Variants in MARK3 observed in about 807,000 individuals in gnomAD.
The protein encoded by MARK3 is MAP/microtubule affinity-regulating kinase 3.
Under a neutral mutation model 90.1 loss-of-function variants are expected in MARK3, and 46 were observed. The ratio of observed to expected loss-of-function variants is 0.51; its 90% CI spans 0.40 to 0.65. The LOEUF (loss-of-function observed/expected upper bound fraction) is 0.65, where lower values mean the gene tolerates loss of function less well. MARK3 is among the 30% of genes least tolerant of loss of function. The probability of loss-of-function intolerance (pLI) is 0.00; values close to 1 mark genes in which losing one functional copy is unlikely to be tolerated. For synonymous variants in MARK3, 321 were observed against 332.6 expected (o/e 0.97, Z 0.38); for missense variants, 818 against 947.2 (o/e 0.86, Z 1.79).
At chr14:103,467,774 C>T (rs1296019772) in intron 11 of MARK3, 2 of 249,084 alleles carry the variant, frequency 8.0e-6, no homozygotes, top group Admixed American at 5.4e-5. Context: ...CGTAAAGCAT[C>T]AGATGAAGTA....
chr14:103,385,615 T>G lies in MARK3; in HGVS notation c.-415T>G. On this transcript the variant is annotated 5_prime_UTR_variant, in exon 1 of 18. Coordinates refer to ENST00000429436, the MANE Select transcript of MARK3 (RefSeq NM_001128918.3). ...TTCCTTCACATCCTCCTCCGCCTCC[T>G]CGTTTTCAGGCGCCGCCGGCGGCGC... 1 of 162,830 alleles carries G rather than the reference T, an allele frequency of 6.1e-6. No individual in the cohort carries two copies. The highest frequency in any genetic ancestry group is 1.3e-5 in the Non-Finnish European group (1 of 75,414). 10.1% of individuals were successfully genotyped at this position (162,830 alleles called of 1,614,324 possible). A position where few individuals can be genotyped will look rare whatever the true frequency, so the allele number is the denominator to read the frequency against.
At chr14:103,422,409 C>T (rs565605508) in intron 2 of MARK3, among the ~76,000 whole-genome samples, 8 of 152,230 alleles carry the variant, frequency 5.3e-5, no homozygotes, top group African/African-American at 1.2e-4. Context: ...GAGCCAAGAT[C>T]GCGCGACTGC....
chr14:103,471,668 G>A (rs1368311731), intron 12 of MARK3, among the ~76,000 whole-genome samples: 1 of 152,058 alleles, frequency 6.6e-6, no homozygotes, highest in African/African-American at 2.4e-5. Context: ...CTAAAGCTAC[G>A]ATGTAATCTG....
intron 3 of MARK3, among the ~76,000 whole-genome samples, chr14:103,431,447 A>G (rs1320649206): frequency 2.0e-5 from 3 of 151,942 alleles, no homozygotes; most frequent in Admixed American, 6.6e-5. Context: ...CCTGGTCAAC[A>G]TGGTGAAACC....
intron 3 of MARK3, among the ~76,000 whole-genome samples, chr14:103,435,406 TA>T (rs779472229): frequency 6.6e-6 from 1 of 150,382 alleles, no homozygotes; most frequent in Non-Finnish European, 1.5e-5. Flanking sequence ...TACTTATTTT[TA>T]TTTATTTATT....
At chr14:103,417,041 C>A (rs1172828078) in intron 2 of MARK3, among the ~76,000 whole-genome samples, 1 of 152,126 alleles carries the variant, frequency 6.6e-6, no homozygotes, top group East Asian at 1.9e-4. Context: ...CTTAAGGCTT[C>A]CCTGAGGTTG....
intron 6 of MARK3, chr14:103,458,619 C>A: frequency 1.8e-6 from 1 of 545,994 alleles, no homozygotes. Context: ...AGGAGCAGTG[C>A]TTCACTGCTT....
At chr14:103,389,976 C>T (rs1306432980) in intron 1 of MARK3, among the ~76,000 whole-genome samples, 3 of 136,936 alleles carry the variant, frequency 2.2e-5, no homozygotes, top group Non-Finnish European at 3.1e-5. Flanking sequence ...AGGCCGGGCG[C>T]GGTGGCTCAC....
At chr14:103,458,173 G>A (rs747351814) in intron 6 of MARK3, among the ~76,000 whole-genome samples, 1 of 152,140 alleles carries the variant, frequency 6.6e-6, no homozygotes, top group African/African-American at 2.4e-5. Flanking sequence ...AGAAGCAGTC[G>A]TAGGCTGGGT....
At position 103,468,098 on chromosome 14, in the gene MARK3, T is replaced by G. The variant is rs1472212961; in HGVS notation, c.1176T>G (p.Asp392Glu). ...TTGCTAAGGTTAGGCCGAGCAGTGA[T>G]CTCAACAACAGTACTGGCCAGTCTC... Reference protein sequence around the residue: ...LSLAKVRPSSDLNNSTGQSPH... With the variant: ...LSLAKVRPSSELNNSTGQSPH... Residue 392 changes from aspartate to glutamate, a missense_variant, in exon 12 of 18, where the codon GAT (aspartate) becomes GAG (glutamate). This residue lies in a region of MARK3 where 560 missense variants were observed against 613.5 expected (regional missense o/e 0.91). Coordinates refer to ENST00000429436, the MANE Select transcript of MARK3 (RefSeq NM_001128918.3). 6.2e-7 allele frequency: 1 copy of G among 1,613,998 alleles called. No homozygotes were observed. Among genetic ancestry groups the G allele is most frequent in the Non-Finnish European group, 8.5e-7 (1 of 1,179,974 alleles).
At chr14:103,487,731 A>G (rs2093954099) in intron 14 of MARK3, among the ~76,000 whole-genome samples, 1 of 152,116 alleles carries the variant, frequency 6.6e-6, no homozygotes, top group South Asian at 2.1e-4. Context: ...AGATAGTTGT[A>G]TTTAGCTGTA....
intron 1 of MARK3, among the ~76,000 whole-genome samples, chr14:103,388,680 C>T (rs1259234493): frequency 1.3e-5 from 2 of 152,194 alleles, no homozygotes; most frequent in Non-Finnish European, 2.9e-5. Flanking sequence ...TCAGTGCCCT[C>T]TCCCTTTCTT....
intron 1 of MARK3, among the ~76,000 whole-genome samples, chr14:103,389,205 A>C (rs1258107047): frequency 6.6e-6 from 1 of 151,708 alleles, no homozygotes. Context: ...TCTACTAAAA[A>C]TACGAAAAAT....
chr14:103,449,049 A>G, intron 4 of MARK3, 82 bp downstream of exon 4: 1 of 1,351,204 alleles, frequency 7.4e-7, no homozygotes, highest in Non-Finnish European at 1.0e-6. Flanking sequence ...TATTCTAGAA[A>G]TGGTAGAGTA....
At chr14:103,468,850 A>G (rs2093570217) in intron 12 of MARK3, among the ~76,000 whole-genome samples, 1 of 151,306 alleles carries the variant, frequency 6.6e-6, no homozygotes, top group South Asian at 2.1e-4. Flanking sequence ...GCTGGTCTCA[A>G]ACTCCCAAGT....
chr14:103,480,989 C>T (rs755454813), intron 14 of MARK3, among the ~76,000 whole-genome samples: 51 of 152,184 alleles, frequency 3.4e-4, no homozygotes, highest in African/African-American at 1.2e-3. Flanking sequence ...GTGGAAAGTC[C>T]AGCCTTCTGA....
intron 6 of MARK3, among the ~76,000 whole-genome samples, chr14:103,459,999 T>TA (rs754232549): frequency 2.1e-4 from 31 of 150,814 alleles, no homozygotes; most frequent in Non-Finnish European, 4.0e-4. Flanking sequence ...CCATCCTAGT[T>TA]ACTGCTTATG....
At chr14:103,479,498 T>G (rs1207329161) in intron 13 of MARK3, among the ~76,000 whole-genome samples, 1 of 152,170 alleles carries the variant, frequency 6.6e-6, no homozygotes, top group African/African-American at 2.4e-5. Flanking sequence ...TTTCTAACAA[T>G]TAATAATTAT....
chr14:103,441,028 T>G (rs2092839143), intron 3 of MARK3, among the ~76,000 whole-genome samples: 2 of 152,048 alleles, frequency 1.3e-5, no homozygotes, highest in Non-Finnish European at 2.9e-5. Context: ...TTTTTCATAT[T>G]TAGGTTTTTT....
Sources: allele counts gnomAD v4.1 joint callset (sites outside exome capture counted in the v4.1 genomes callset), GRCh38; gene constraint gnomAD v4.1.1; regional missense constraint gnomAD v4.1.1; transcripts MANE v1.5; gene names NCBI Gene and HGNC (gene_info 2026-07-23, HGNC 2026-07-21).